Variants in ABCB1 observed in about 807,000 individuals in gnomAD.
The protein encoded by ABCB1 is ATP-dependent translocase ABCB1.
In ABCB1, 69 loss-of-function variants were observed where a neutral mutation model predicts 142.0. The observed-to-expected ratio is 0.49, with a 90% CI of 0.40 to 0.59. The LOEUF (loss-of-function observed/expected upper bound fraction) is 0.59, where lower values mean the gene tolerates loss of function less well. ABCB1 is among the 20% of genes least tolerant of loss of function. The pLI is 0.00. For missense variants in ABCB1, 1,326 were observed against 1,554.7 expected, an observed-to-expected ratio of 0.85 and a Z score of 2.47; for synonymous variants, 532 against 539.2, an observed-to-expected ratio of 0.99 and a Z score of 0.18.
At chr7:87,598,272 C>T (rs1819293382) in intron 2 of ABCB1, among the ~76,000 whole-genome samples, 1 of 152,028 alleles carries the variant, frequency 6.6e-6, no homozygotes, top group South Asian at 2.1e-4. Context: ...ACAAATGTGG[C>T]TCACATGATA....
rs896194823 is a variant in ABCB1, at chr7:87,550,909, T to C, written c.1000-71A>G. The C allele has an allele frequency of 4.4e-6, 4 of 917,118 alleles. No homozygotes were observed. The African/African-American group carries it at 6.5e-5, about 15-fold the overall frequency. The allele number at this position is 917,118 out of a possible 1,614,324, so 56.8% of individuals were successfully genotyped here. A position where few individuals can be genotyped will look rare whatever the true frequency, so the allele number is the denominator to read the frequency against. ...GCAATTTTTTTTCATACTTCTTCTG[T>C]CTTTTTCTAACATAGGTAATTAAAA... On this transcript the variant is annotated intron_variant, in intron 9 of 27. Coordinates refer to ENST00000622132, the MANE Select transcript of ABCB1 (RefSeq NM_001348946.2).
At chr7:87,672,326 T>C (rs911200663) in intron 1 of ABCB1, among the ~76,000 whole-genome samples, 5 of 152,074 alleles carry the variant, frequency 3.3e-5, no homozygotes, top group Non-Finnish European at 5.9e-5. Flanking sequence ...CAGCTTGGAC[T>C]CTCCAAAGCC....
rs1454551892 is a variant in ABCB1 at position 87,549,282 on chromosome 7, C to T, written c.1725+66G>A. On this transcript the variant is annotated intron_variant, in intron 14 of 27. Coordinates refer to ENST00000622132, the MANE Select transcript of ABCB1 (RefSeq NM_001348946.2). ...TTTCCTTTTCTAAGACCAATATTAA[C>T]AAGAATTAGTAGTAGAATGTTCTTA... 7 of 1,597,066 alleles carry T rather than the reference C, an allele frequency of 4.4e-6. No individual in the cohort carries two copies. The Admixed American group carries it at 1.2e-4, about 27-fold the overall frequency.
intron 7 of ABCB1, chr7:87,565,427 T>C: frequency 2.2e-6 from 1 of 449,024 alleles, no homozygotes; most frequent in Non-Finnish European, 4.4e-6. Flanking sequence ...TGGAAACGTG[T>C]GCTGGGGTAG....
At chr7:87,527,379 A>G (rs1163404612) in intron 21 of ABCB1, among the ~76,000 whole-genome samples, 1 of 152,220 alleles carries the variant, frequency 6.6e-6, no homozygotes, top group African/African-American at 2.4e-5. Flanking sequence ...CTGCTGTTGT[A>G]GCTGCAGTGA....
intron 8 of ABCB1, 152 bp downstream of exon 8, chr7:87,561,111 C>T (rs1817546619): frequency 4.5e-6 from 4 of 881,850 alleles, no homozygotes; most frequent in Non-Finnish European, 6.6e-6. Context: ...TGCAACTTCT[C>T]CAAAATATTA....
At chr7:87,644,788 A>T (rs1035644121) in intron 1 of ABCB1, among the ~76,000 whole-genome samples, 1 of 151,988 alleles carries the variant, frequency 6.6e-6, no homozygotes, top group South Asian at 2.1e-4. Context: ...AATGCAGAAC[A>T]TTAAATATTA....
rs199884220 is a variant in ABCB1 at position 87,570,235 on chromosome 7, C to A, written c.287-12G>T. On this transcript the variant is annotated splice_polypyrimidine_tract_variant and intron_variant, in intron 4 of 27. Transcript: ENST00000622132. ...ATCATTGATATCACCTAGACCACCACAAAACAAACATACCATTTATGTCTC... is the reference window on the plus strand; with the variant it reads ...ATCATTGATATCACCTAGACCACCAAAAAACAAACATACCATTTATGTCTC... 8 of 1,610,008 alleles carry A rather than the reference C, an allele frequency of 5.0e-6. No homozygotes were observed. The highest frequency in any genetic ancestry group is 5.9e-6 in the Non-Finnish European group (7 of 1,177,034).
intron 17 of ABCB1, among the ~76,000 whole-genome samples, chr7:87,543,139 CA>C (rs1816613636): frequency 6.6e-6 from 1 of 151,948 alleles, no homozygotes; most frequent in Non-Finnish European, 1.5e-5. Flanking sequence ...ACTAAAAATA[CA>C]AAAATTAGCC....
intron 21 of ABCB1, among the ~76,000 whole-genome samples, chr7:87,530,929 A>AGAAGGAAAGAAGGAAG (rs1219471032): frequency 2.6e-5 from 4 of 151,864 alleles, no homozygotes; most frequent in South Asian, 4.2e-4. Flanking sequence ...AGGAAAGAAA[A>AGAAGGAAAGAAGGAAG]GAAGGAAAGA....
rs746946995 is a variant in ABCB1 at position 87,550,484 on chromosome 7, G to T, written c.1208C>A (p.Ser403Tyr). 2 of 1,612,964 alleles carry T rather than the reference G, an allele frequency of 1.2e-6. No individual in the cohort carries two copies. The highest frequency in any genetic ancestry group is 8.5e-7 in the Non-Finnish European group (1 of 1,179,794). ...TCACTGTACCTTAACTTCTTTTCGA[G>T]ATGGGTAACTGAAGTGAACATTTCT... ...EFRNVHFSYP[S>Y]RKEVKILKGL... Residue 403 changes from serine to tyrosine, a missense_variant, in exon 11 of 28, where the codon TCT becomes TAT. Ser to Tyr is a moderately radical substitution (Grantham distance 144). Coordinates refer to ENST00000622132, the MANE Select transcript of ABCB1 (RefSeq NM_001348946.2).
At chr7:87,530,834 A>AAAGCAAGAAAGC (rs1563037354) in intron 21 of ABCB1, among the ~76,000 whole-genome samples, 1 of 74,766 alleles carries the variant, frequency 1.3e-5, no homozygotes, top group African/African-American at 6.8e-5. Flanking sequence ...AGAAAGCAAG[A>AAAGCAAGAAAGC]AAGCAAGAAA....
intron 4 of ABCB1, among the ~76,000 whole-genome samples, chr7:87,581,250 C>T: frequency 6.6e-6 from 1 of 152,136 alleles, no homozygotes; most frequent in Non-Finnish European, 1.5e-5. Flanking sequence ...CACCACCACA[C>T]CCAGCTTCTA....
chr7:87,663,393 A>C (rs1477021266), intron 1 of ABCB1, among the ~76,000 whole-genome samples: 1 of 151,142 alleles, frequency 6.6e-6, no homozygotes, highest in Non-Finnish European at 1.5e-5. Context: ...TTTTCTCTCT[A>C]TTTCCATCTA....
intron 21 of ABCB1, among the ~76,000 whole-genome samples, chr7:87,530,893 G>GAAAGAAAAAGAA (rs1816025557): frequency 7.0e-6 from 1 of 141,958 alleles, no homozygotes; most frequent in Admixed American, 7.2e-5. Flanking sequence ...AAAAAGAAAA[G>GAAAGAAAAAGAA]AAGGAAGAAG....
intron 1 of ABCB1, among the ~76,000 whole-genome samples, chr7:87,658,822 A>G (rs1031190138): frequency 1.2e-4 from 19 of 152,162 alleles, no homozygotes; most frequent in African/African-American, 4.3e-4. Flanking sequence ...AACTAAGGAA[A>G]TGTGTTGCCG....
At chr7:87,506,400 T>A (rs1814745951) in intron 26 of ABCB1, among the ~76,000 whole-genome samples, 1 of 152,202 alleles carries the variant, frequency 6.6e-6, no homozygotes, top group Non-Finnish European at 1.5e-5. Context: ...GTATTCATAA[T>A]AAAATAATTG....
At chr7:87,571,328 C>T (rs769296119) in intron 4 of ABCB1, among the ~76,000 whole-genome samples, 3 of 152,024 alleles carry the variant, frequency 2.0e-5, no homozygotes, top group Non-Finnish European at 2.9e-5. Context: ...AGGTATGGTG[C>T]AAGAAAACAG....
chr7:87,662,089 A>T (rs1824769671), intron 1 of ABCB1, among the ~76,000 whole-genome samples: 1 of 151,814 alleles, frequency 6.6e-6, no homozygotes, highest in Non-Finnish European at 1.5e-5. Context: ...TGCCCATTTT[A>T]AGTTTAATTA....
Sources: gnomAD v4.1 joint callset for allele counts (sites outside exome capture counted in the v4.1 genomes callset) on GRCh38, gnomAD v4.1.1 for gene constraint, MANE v1.5 for transcripts, NCBI Gene and HGNC (gene_info 2026-07-23, HGNC 2026-07-21) for gene names.